The following ARHGEF2 variants were observed in gnomAD, a reference collection of about 807,000 sequenced individuals.
ARHGEF2 encodes the protein rho guanine nucleotide exchange factor 2.
In ARHGEF2, 22 loss-of-function variants were observed where a neutral mutation model predicts 121.0. The ratio of observed to expected loss-of-function variants is 0.18; its 90% CI spans 0.13 to 0.26. ARHGEF2 has a LOEUF of 0.26. Ranked by LOEUF, ARHGEF2 falls within the 10% of genes least tolerant of loss-of-function variation. The probability of loss-of-function intolerance (pLI) is 1.00; values close to 1 mark genes in which losing one functional copy is unlikely to be tolerated. For synonymous variants in ARHGEF2, 487 were observed against 530.0 expected (o/e 0.92, Z 1.11); for missense variants, 907 against 1,336.0 (o/e 0.68, Z 5.01).
Position 155,965,450 on chromosome 1 carries a change from G to A in ARHGEF2, c.471-38C>T, listed in dbSNP as rs140652401. On this transcript the variant is annotated intron_variant, in intron 5 of 21. Coordinates refer to ENST00000361247, the MANE Select transcript of ARHGEF2 (RefSeq NM_001162383.2). The surrounding 1 kb of genome is among the most constrained non-coding windows in gnomAD (Gnocchi z 6.0). ...GAGGCTGTCTGCATCACCCCCAGTC[G>A]GGCAAAAGATCCCTTCCCAGGTAGG... 1.1e-3 allele frequency: 1,686 copies of A among 1,605,266 alleles called. 13 individuals are homozygous for A. In the African/African-American group the frequency reaches 0.02, roughly 19 times the overall value.
At position 155,947,670 on chromosome 1, in the gene ARHGEF2, A is replaced by G. The variant is rs974277187; in HGVS notation, c.*272T>C. 2.1e-6 allele frequency: 1 copy of G among 465,744 alleles called. No homozygotes were observed. The allele number at this position is 465,744 out of a possible 1,614,324, so 28.9% of individuals were successfully genotyped here. ...TCTCCCCTCTCCCCCCATAACTAAT[A>G]AACAATAAATAAATAAATTTTCCTA... On this transcript the variant is annotated 3_prime_UTR_variant, in exon 22 of 22. Transcript: ENST00000361247.
intron 1 of ARHGEF2, among the ~76,000 whole-genome samples, chr1:155,973,672 G>C (rs988499902): frequency 2.0e-5 from 3 of 151,966 alleles, no homozygotes; most frequent in Non-Finnish European, 4.4e-5. Context: ...CTTGAACGCA[G>C]GAGGTGGAGG....
At chr1:155,953,761 A>G (rs1056016834) in intron 14 of ARHGEF2, among the ~76,000 whole-genome samples, 3 of 151,812 alleles carry the variant, frequency 2.0e-5, no homozygotes, top group Admixed American at 6.6e-5. Context: ...AAAAAAAAAA[A>G]AAAAAGAAAG....
intron 1 of ARHGEF2, chr1:155,970,395 G>T: frequency 1.0e-6 from 1 of 985,182 alleles, no homozygotes; most frequent in African/African-American, 1.7e-5. Context: ...AGAAGAGGGG[G>T]ATATCACTCT....
At position 155,966,517 on chromosome 1, in the gene ARHGEF2, G is replaced by A. The variant is rs140737367; in HGVS notation, c.277-38C>T. On this transcript the variant is annotated intron_variant, in intron 3 of 21. Coordinates refer to ENST00000361247, the MANE Select transcript of ARHGEF2 (RefSeq NM_001162383.2). ...GAGCAGGAGAGAGATACCAAGAATG[G>A]CTGTCACCCAAGGATCACCCCCAGA... The A allele has an allele frequency of 4.3e-3, 6,897 of 1,610,906 alleles. 25 individuals are homozygous for A. Among genetic ancestry groups the A allele is most frequent in the Non-Finnish European group, 4.7e-3 (5,513 of 1,177,104 alleles).
chr1:155,965,432 T>G lies in ARHGEF2; in HGVS notation c.471-20A>C. The G allele has an allele frequency of 6.2e-7, 1 of 1,610,886 alleles. No individual in the cohort carries two copies. The highest frequency in any genetic ancestry group is 8.5e-7 in the Non-Finnish European group (1 of 1,177,082). On this transcript the variant is annotated intron_variant, in intron 5 of 21. Transcript: ENST00000361247. The surrounding 1 kb of genome is among the most constrained non-coding windows in gnomAD (Gnocchi z 6.0). ...AAATGTCTGAAGAAAGTGGAGGCTG[T>G]CTGCATCACCCCCAGTCGGGCAAAA...
chr1:155,969,404 C>T, intron 1 of ARHGEF2, 104 bp from the exon 2 acceptor site: 1 of 1,543,668 alleles, frequency 6.5e-7, no homozygotes, highest in African/African-American at 1.4e-5. Flanking sequence ...AAATGCCAGC[C>T]TGAGGATGCT....
Position 155,962,231 on chromosome 1 carries a change from G to C in ARHGEF2, c.1102-9C>G, listed in dbSNP as rs1412032655. 5 of 1,613,066 alleles carry C rather than the reference G, an allele frequency of 3.1e-6. No homozygotes were observed. The East Asian group carries it at 1.1e-4, about 36-fold the overall frequency. ...GCGGGGCGGGTCACTTTCTACAAGG[G>C]AGGAGGCAGGGCTCAGGGCCAGAGG... On this transcript the variant is annotated splice_polypyrimidine_tract_variant and intron_variant, in intron 9 of 21. Coordinates refer to ENST00000361247, the MANE Select transcript of ARHGEF2 (RefSeq NM_001162383.2). The surrounding 1 kb of genome is among the most constrained non-coding windows in gnomAD (Gnocchi z 5.8).
At position 155,961,974 on chromosome 1, in the gene ARHGEF2, T is replaced by C. The variant is rs1678034112; in HGVS notation, c.1220-65A>G. ...TTCACTCACACCCCAGTTCCCATCG[T>C]GTCTTGATTCCACCTTTAGAGGCTG... On this transcript the variant is annotated intron_variant, in intron 10 of 21. Coordinates refer to ENST00000361247, the MANE Select transcript of ARHGEF2 (RefSeq NM_001162383.2). The surrounding 1 kb of genome is among the most constrained non-coding windows in gnomAD (Gnocchi z 4.7). 6.2e-7 allele frequency: 1 copy of C among 1,606,272 alleles called. No individual in the cohort carries two copies. The highest frequency in any genetic ancestry group is 2.2e-5 in the East Asian group (1 of 44,704).
Position 155,951,314 on chromosome 1 carries a change from G to A in ARHGEF2, c.2260-42C>T, listed in dbSNP as rs372233309. Reference sequence around the variant, plus strand: ...GGCAGAAGGGTTTATCAGAACCCCTGTGCTCTTCTACCCCTCGCCTTCACC... The same window carrying A: ...GGCAGAAGGGTTTATCAGAACCCCTATGCTCTTCTACCCCTCGCCTTCACC... On this transcript the variant is annotated intron_variant, in intron 19 of 21. Transcript: ENST00000361247. The surrounding 1 kb of genome is among the most constrained non-coding windows in gnomAD (Gnocchi z 5.1). 31 of 1,568,954 alleles carry A rather than the reference G, an allele frequency of 2.0e-5. No homozygotes were observed. In the African/African-American group the frequency reaches 3.8e-4, roughly 19 times the overall value.
chr1:155,967,808 C>T (rs751947691), intron 2 of ARHGEF2, among the ~76,000 whole-genome samples: 4 of 152,186 alleles, frequency 2.6e-5, no homozygotes, highest in East Asian at 1.9e-4. Context: ...CCTCAGCTCC[C>T]GGCCCTCTCC....
chr1:155,964,208 A>G (rs543238103), intron 7 of ARHGEF2, among the ~76,000 whole-genome samples: 4 of 134,696 alleles, frequency 3.0e-5, no homozygotes, highest in East Asian at 2.4e-4. Context: ...ACATATATAT[A>G]TATATATATT....
At chr1:155,977,989 G>A (rs541852301) in intron 1 of ARHGEF2, 34 of 746,474 alleles carry the variant, frequency 4.6e-5, no homozygotes, top group Non-Finnish European at 4.8e-5. Flanking sequence ...GTGGGGCCCG[G>A]GGTGAGAGGA....
chr1:155,965,096 CAA>C lies in ARHGEF2; in HGVS notation c.614_615del (p.Phe205Ter). ...GCTGCAAAGTCCTTCTCATCCATCT[CAA>C]AGTCACTCATCAGCTCACTGTAGAT... ...EVIYSELMSD[F>X]EMDEKDFAAD... On this transcript the variant is annotated frameshift_variant, in exon 7 of 22. Coordinates refer to ENST00000361247, the MANE Select transcript of ARHGEF2 (RefSeq NM_001162383.2). LOFTEE classifies it high-confidence loss of function. This position sits in a 1 kb window ranked among gnomAD's most constrained non-coding sequence, Gnocchi z 6.0. 1 of 1,614,098 alleles carries C rather than the reference CAA, an allele frequency of 6.2e-7. No individual in the cohort carries two copies. Among genetic ancestry groups the C allele is most frequent in the Non-Finnish European group, 8.5e-7 (1 of 1,180,022 alleles).
Position 155,950,565 on chromosome 1 carries a change from G to C in ARHGEF2, c.2704-83C>G. 6.9e-7 allele frequency: 1 copy of C among 1,444,858 alleles called. No individual in the cohort carries two copies. Among genetic ancestry groups the C allele is most frequent in the Non-Finnish European group, 9.6e-7 (1 of 1,043,418 alleles). 89.5% of individuals were successfully genotyped at this position (1,444,858 alleles called of 1,614,324 possible). On this transcript the variant is annotated intron_variant, in intron 20 of 21. Transcript: ENST00000361247. This position sits in a 1 kb window ranked among gnomAD's most constrained non-coding sequence, Gnocchi z 5.2. ...AGGTTCTGCTTGGCTGAAGGCAGCA[G>C]CTCTCCCCCCTGGGGCTCACCCATG... is the stretch of plus-strand genomic sequence containing the variant.
chr1:155,948,652 CA>C (rs1326730151), intron 21 of ARHGEF2, among the ~76,000 whole-genome samples: 4 of 151,922 alleles, frequency 2.6e-5, no homozygotes, highest in African/African-American at 9.7e-5. Flanking sequence ...CAAAACAAAA[CA>C]AAAAACTATA....
chr1:155,959,470 A>C (rs1458761784), intron 11 of ARHGEF2, among the ~76,000 whole-genome samples: 1 of 151,690 alleles, frequency 6.6e-6, no homozygotes, highest in East Asian at 1.9e-4. Context: ...CTGGTCTCTA[A>C]CTCCTGACCT....
intron 12 of ARHGEF2, 64 bp downstream of exon 12, chr1:155,958,256 A>C (rs1677095546): frequency 1.4e-6 from 2 of 1,392,270 alleles, no homozygotes; most frequent in African/African-American, 2.8e-5. Context: ...GGGCTTGGGC[A>C]GGAAAGCAAG....
Position 155,947,377 on chromosome 1 carries a change from T to TA in ARHGEF2, c.*564_*565insT, listed in dbSNP as rs764118458. The TA allele has an allele frequency of 4.4e-6, 2 of 456,548 alleles. No individual in the cohort carries two copies. Among genetic ancestry groups the TA allele is most frequent in the South Asian group, 3.1e-5 (2 of 64,562 alleles). 28.3% of individuals were successfully genotyped at this position (456,548 alleles called of 1,614,324 possible). A position where few individuals can be genotyped will look rare whatever the true frequency, so the allele number is the denominator to read the frequency against. On this transcript the variant is annotated 3_prime_UTR_variant, in exon 22 of 22. Transcript: ENST00000361247. The stretch of plus-strand genomic sequence containing the variant: ...GGAAGCCAGGTTATCTCCCAGGGCT[T>TA]CCATGAAGGACGGAGAAAGGGAGAA...
Sources: allele counts gnomAD v4.1 joint callset (sites outside exome capture counted in the v4.1 genomes callset), GRCh38; gene constraint gnomAD v4.1.1; non-coding constraint Gnocchi (gnomAD v3.1); transcripts MANE v1.5; gene names NCBI Gene and HGNC (gene_info 2026-07-23, HGNC 2026-07-21).